The following ATF7IP2 variants were observed in gnomAD, a reference collection of about 807,000 sequenced individuals.
ATF7IP2 encodes activating transcription factor 7-interacting protein 2.
In ATF7IP2, 42 loss-of-function variants were observed where a neutral mutation model predicts 64.2. That is an observed-to-expected ratio of 0.65 (90% CI 0.51 to 0.85). The LOEUF (loss-of-function observed/expected upper bound fraction) is 0.85. Among genes scored for constraint, ATF7IP2 ranks in the 40% least tolerant of loss-of-function variants. The pLI is 0.00. For missense variants in ATF7IP2, 933 were observed against 784.2 expected (o/e 1.19, Z -2.27); for synonymous variants, 308 against 272.8 (o/e 1.13, Z -1.27).
intron 8 of ATF7IP2, among the ~76,000 whole-genome samples, chr16:10,442,638 C>T (rs1879839627): frequency 6.6e-6 from 1 of 152,058 alleles, no homozygotes; most frequent in South Asian, 2.1e-4. Flanking sequence ...GGAGGTGAGA[C>T]CTTGTAGAGG....
intron 1 of ATF7IP2, among the ~76,000 whole-genome samples, chr16:10,406,797 T>C (rs2120590): frequency 0.56 from 84,985 of 151,786 alleles, 23,843 homozygotes; most frequent in East Asian, 0.68. Context: ...GAAAAGCCTG[T>C]GCCCTAATTG....
chr16:10,416,142 C>G (rs929346612), intron 2 of ATF7IP2, among the ~76,000 whole-genome samples: 2 of 152,194 alleles, frequency 1.3e-5, no homozygotes, highest in African/African-American at 2.4e-5. Context: ...AAAGGGATAT[C>G]TGCAATTCCA....
At chr16:10,415,398 A>G (rs1596464781) in intron 2 of ATF7IP2, among the ~76,000 whole-genome samples, 1 of 152,348 alleles carries the variant, frequency 6.6e-6, no homozygotes, top group South Asian at 2.1e-4. Flanking sequence ...TCTTCAATAA[A>G]TGGTGCTGGG....
rs1274797156 is a variant in ATF7IP2 at position 10,423,307 on chromosome 16, C to T, written c.-160+3684C>T. On this transcript the variant is annotated intron_variant, in intron 3 of 13. Transcript: ENST00000562102. ...TACCTAGAAGTAATGCTGGCATCAT[C>T]TGGCTGGAGACAGCAACATTCTTGA... Among the ~76,000 whole-genome samples, 4 of 152,212 alleles carry T rather than the reference C, an allele frequency of 2.6e-5. No homozygotes were observed. The South Asian group carries it at 8.3e-4, about 32-fold the overall frequency.
rs182240656 is a variant in ATF7IP2 at position 10,439,221 on chromosome 16, G to C, written c.1095+986G>C. On this transcript the variant is annotated intron_variant, in intron 7 of 13. Transcript: ENST00000562102. The stretch of plus-strand genomic sequence containing the variant: ...TTTATTGTAGACCAATTAGAAGTTT[G>C]AGTTTTTTGTTTTGTTTCGTTTGTT... 7.2e-4 allele frequency among the ~76,000 whole-genome samples: 110 copies of C among 151,936 alleles called. 1 individual carries two copies. The highest frequency in any genetic ancestry group is 1.2e-4 in the Non-Finnish European group (8 of 67,934).
At chr16:10,473,799 C>G in intron 11 of ATF7IP2, 124 bp from the exon 12 acceptor site, 1 of 660,194 alleles carries the variant, frequency 1.5e-6, no homozygotes, top group Non-Finnish European at 2.6e-6. Flanking sequence ...AGAGAATGTT[C>G]CATCTCTAGT....
At chr16:10,477,506 C>T (rs945957180) in intron 12 of ATF7IP2, among the ~76,000 whole-genome samples, 1 of 152,050 alleles carries the variant, frequency 6.6e-6, no homozygotes, top group South Asian at 2.1e-4. Context: ...TATGACAAAC[C>T]CACAGCCAAT....
chr16:10,420,740 G>A (rs1171194507), intron 3 of ATF7IP2, among the ~76,000 whole-genome samples: 2 of 152,184 alleles, frequency 1.3e-5, no homozygotes, highest in Admixed American at 1.3e-4. Flanking sequence ...TCAATTAATT[G>A]TGTGGAATGA....
intron 3 of ATF7IP2, among the ~76,000 whole-genome samples, chr16:10,422,375 G>A (rs552615022): frequency 8.7e-4 from 132 of 152,144 alleles, no homozygotes; most frequent in Admixed American, 4.6e-3. Flanking sequence ...GACATACCCC[G>A]TTTCATGCAT....
At chr16:10,436,429 T>A (rs1248956048) in intron 6 of ATF7IP2, among the ~76,000 whole-genome samples, 3 of 152,136 alleles carry the variant, frequency 2.0e-5, no homozygotes, top group African/African-American at 7.2e-5. Flanking sequence ...CACATTCATT[T>A]GCTCACATGT....
intron 9 of ATF7IP2, among the ~76,000 whole-genome samples, chr16:10,466,579 T>C (rs1428569380): frequency 1.3e-5 from 2 of 152,146 alleles, no homozygotes; most frequent in Non-Finnish European, 2.9e-5. Flanking sequence ...TAGCATCACA[T>C]TGTGGTTTTA....
chr16:10,410,648 AG>A (rs1296330909), intron 1 of ATF7IP2, among the ~76,000 whole-genome samples: 12 of 152,296 alleles, frequency 7.9e-5, no homozygotes, highest in African/African-American at 2.6e-4. Flanking sequence ...TGCTCTGGCT[AG>A]GAAGAGAAGT....
intron 6 of ATF7IP2, 44 bp downstream of exon 6, chr16:10,433,693 A>G: frequency 6.3e-7 from 1 of 1,594,856 alleles, no homozygotes; most frequent in Non-Finnish European, 8.6e-7. Flanking sequence ...TTTGATTAGT[A>G]AAACATGGTA....
chr16:10,458,732 T>C (rs1247684700), intron 9 of ATF7IP2, among the ~76,000 whole-genome samples: 1 of 152,216 alleles, frequency 6.6e-6, no homozygotes, highest in Non-Finnish European at 1.5e-5. Context: ...CCTAATAGTA[T>C]TATAAAATCA....
At chr16:10,444,714 A>G (rs965921092) in intron 8 of ATF7IP2, among the ~76,000 whole-genome samples, 1 of 152,144 alleles carries the variant, frequency 6.6e-6, no homozygotes, top group Admixed American at 6.6e-5. Flanking sequence ...ATTTTTTTCT[A>G]CCTTCCTTGA....
intron 1 of ATF7IP2, among the ~76,000 whole-genome samples, chr16:10,412,650 C>T (rs1004617154): frequency 6.6e-6 from 1 of 152,052 alleles, no homozygotes; most frequent in African/African-American, 2.4e-5. Context: ...GTATATTCTG[C>T]AGTTGTTGGG....
At chr16:10,438,395 C>A (rs567946900) in intron 7 of ATF7IP2, among the ~76,000 whole-genome samples, 160 bp downstream of exon 7, 73 of 151,804 alleles carry the variant, frequency 4.8e-4, no homozygotes, top group African/African-American at 1.8e-3. Flanking sequence ...CAGGTGCACA[C>A]CACCATACCC....
rs143388971 is a variant in ATF7IP2, at chr16:10,438,107, C to A, written c.967C>A (p.His323Asn). ...TTTTATTTTAAAATTCTAGGTCAGACATTTGATTCAGCAGGAGATCTATAG... is the reference window on the plus strand; with the variant it reads ...TTTTATTTTAAAATTCTAGGTCAGAAATTTGATTCAGCAGGAGATCTATAG... ...RQTAFLEQVR[H>N]LIQQEIYSIN... is the part of the protein sequence containing the mutation. The change falls in exon 7 of 14, where the codon CAT becomes AAT. Residue 323 changes from histidine (H) to asparagine (N), a missense_variant. Transcript: ENST00000562102. The A allele has an allele frequency of 3.0e-4, 464 of 1,542,882 alleles. 4 individuals are homozygous for A. The East Asian group carries it at 7.1e-3, about 24-fold the overall frequency.
At chr16:10,455,135 A>G (rs2049124582) in intron 8 of ATF7IP2, among the ~76,000 whole-genome samples, 1 of 152,232 alleles carries the variant, frequency 6.6e-6, no homozygotes, top group Non-Finnish European at 1.5e-5. Flanking sequence ...CAAGATGTCC[A>G]TGACCTAATT....
Sources: gnomAD v4.1 joint callset for allele counts (sites outside exome capture counted in the v4.1 genomes callset) on GRCh38, gnomAD v4.1.1 for gene constraint, MANE v1.5 for transcripts, NCBI Gene and HGNC (gene_info 2026-07-23, HGNC 2026-07-21) for gene names.